Variants in RORA observed in about 807,000 individuals in gnomAD.
The protein encoded by RORA is nuclear receptor ROR-alpha.
Under a neutral mutation model 69.5 loss-of-function variants are expected in RORA, and 7 were observed. The ratio of observed to expected loss-of-function variants is 0.10; its 90% CI spans 0.06 to 0.19. The LOEUF (loss-of-function observed/expected upper bound fraction) is 0.19, where lower values mean the gene tolerates loss of function less well. Ranked by LOEUF, RORA falls within the 10% of genes least tolerant of loss-of-function variation. RORA has a pLI of 1.00. For synonymous variants in RORA, 261 were observed against 240.8 expected, an observed-to-expected ratio of 1.08 and a Z score of -0.78; for missense variants, 457 against 663.0, an observed-to-expected ratio of 0.69 and a Z score of 3.41.
chr15:61,119,958 C>A (rs72739546), intron 1 of RORA, among the ~76,000 whole-genome samples: 2 of 151,972 alleles, frequency 1.3e-5, no homozygotes, highest in Admixed American at 6.6e-5. Context: ...ACAGGTGAGG[C>A]GGGGAGGAGT....
intron 1 of RORA, among the ~76,000 whole-genome samples, chr15:61,212,566 A>G (rs1481637537): frequency 6.6e-6 from 1 of 151,988 alleles, no homozygotes; most frequent in African/African-American, 2.4e-5. Flanking sequence ...TAATTTTTGT[A>G]TTTTTAGTAG....
At chr15:61,123,506 T>A (rs1184458708) in intron 1 of RORA, among the ~76,000 whole-genome samples, 2 of 151,986 alleles carry the variant, frequency 1.3e-5, no homozygotes, top group African/African-American at 4.8e-5. Context: ...AAACAAACAA[T>A]CCTCAAAAAA....
chr15:61,106,084 TC>T (rs1439894781), intron 1 of RORA, among the ~76,000 whole-genome samples: 1 of 152,210 alleles, frequency 6.6e-6, no homozygotes, highest in African/African-American at 2.4e-5. Flanking sequence ...AGCAAAGCAA[TC>T]TATGGTCACA....
At position 60,690,710 on chromosome 15, in the gene RORA, C is replaced by G. The variant is rs565494147; in HGVS notation, c.167-12024G>C. On this transcript the variant is annotated intron_variant, in intron 1 of 10. Transcript: ENST00000335670. ...CCTTTCCCTGAAAAAGGACAGCAAA[C>G]TGGGACTCAGAGGGATTAGGCAACT... Among the ~76,000 whole-genome samples the G allele has an allele frequency of 3.9e-5, 6 of 152,292 alleles. No individual in the cohort carries two copies. The South Asian group carries it at 1.2e-3, about 32-fold the overall frequency.
At chr15:61,197,099 G>A (rs944827212) in intron 1 of RORA, among the ~76,000 whole-genome samples, 3 of 152,308 alleles carry the variant, frequency 2.0e-5, no homozygotes, top group Admixed American at 6.5e-5. Flanking sequence ...GAAGGCCAGC[G>A]TTACTTCCCG....
At chr15:61,140,613 A>T (rs1343764630) in intron 1 of RORA, among the ~76,000 whole-genome samples, 1 of 151,248 alleles carries the variant, frequency 6.6e-6, no homozygotes, top group Non-Finnish European at 1.5e-5. Context: ...CCACTGGTGA[A>T]CTAGAGATCT....
chr15:60,776,143 G>A (rs2072163646), intron 1 of RORA, among the ~76,000 whole-genome samples: 1 of 152,156 alleles, frequency 6.6e-6, no homozygotes, highest in Non-Finnish European at 1.5e-5. Flanking sequence ...CCACGATATT[G>A]TGATGACCAA....
intron 1 of RORA, among the ~76,000 whole-genome samples, chr15:60,973,679 C>A (rs1843986565): frequency 6.6e-6 from 1 of 152,210 alleles, no homozygotes; most frequent in Non-Finnish European, 1.5e-5. Flanking sequence ...ACCCTTGTAG[C>A]CAGGCCCAGG....
At chr15:61,207,697 C>T (rs2079954902) in intron 1 of RORA, among the ~76,000 whole-genome samples, 2 of 152,306 alleles carry the variant, frequency 1.3e-5, no homozygotes, top group Middle Eastern at 3.4e-3. Context: ...TGTTATTGTT[C>T]ATGATAATTC....
chr15:60,908,351 A>AAAAT (rs1891604958), intron 1 of RORA, among the ~76,000 whole-genome samples: 1 of 152,190 alleles, frequency 6.6e-6, no homozygotes, highest in Admixed American at 6.5e-5. Flanking sequence ...AAAAATACTA[A>AAAAT]TCAAAATGGA....
At chr15:61,050,520 G>T (rs1897243559) in intron 1 of RORA, among the ~76,000 whole-genome samples, 1 of 152,156 alleles carries the variant, frequency 6.6e-6, no homozygotes, top group South Asian at 2.1e-4. Flanking sequence ...CTGTCTTCAG[G>T]GAGCTCCCAA....
At chr15:60,987,609 T>C (rs893746792) in intron 1 of RORA, among the ~76,000 whole-genome samples, 16 of 151,538 alleles carry the variant, frequency 1.1e-4, no homozygotes, top group African/African-American at 3.7e-4. Context: ...CTTCAGGATG[T>C]GTATGATTTG....
chr15:61,109,612 A>T (rs1295301643), intron 1 of RORA, among the ~76,000 whole-genome samples: 2 of 152,258 alleles, frequency 1.3e-5, no homozygotes, highest in Non-Finnish European at 2.9e-5. Context: ...GAGTTGATTT[A>T]CTTAGCACTG....
chr15:60,897,842 C>T (rs887348248), intron 1 of RORA, among the ~76,000 whole-genome samples: 1 of 152,152 alleles, frequency 6.6e-6, no homozygotes, highest in African/African-American at 2.4e-5. Context: ...TGTTAAGCAC[C>T]AAAGTGATGG....
chr15:60,968,160 C>T lies in RORA; in HGVS notation c.166+260893G>A, dbSNP rs143131092. ...TTGGACTAACCCTGGTTGGGGAGATCAGGACGTAAACAGATAATTCCCAAA... is the reference window on the plus strand; with the variant it reads ...TTGGACTAACCCTGGTTGGGGAGATTAGGACGTAAACAGATAATTCCCAAA... On this transcript the variant is annotated intron_variant, in intron 1 of 10. Transcript: ENST00000335670. Among the ~76,000 whole-genome samples the T allele has an allele frequency of 2.9e-4, 44 of 152,266 alleles. No individual in the cohort carries two copies. In the South Asian group the frequency reaches 5.8e-3, roughly 20 times the overall value.
intron 1 of RORA, among the ~76,000 whole-genome samples, chr15:60,890,817 G>A (rs928483209): frequency 2.6e-5 from 4 of 152,334 alleles, no homozygotes; most frequent in Admixed American, 2.0e-4. Flanking sequence ...AACAATGCTT[G>A]CCGTGGTAAT....
chr15:60,798,356 C>A (rs2072528054), intron 1 of RORA, among the ~76,000 whole-genome samples: 1 of 151,806 alleles, frequency 6.6e-6, no homozygotes, highest in South Asian at 2.1e-4. Context: ...GCAAAGCATT[C>A]AAAAATGAGT....
intron 1 of RORA, among the ~76,000 whole-genome samples, chr15:61,214,623 G>A (rs1335119215): frequency 3.3e-5 from 5 of 152,166 alleles, no homozygotes; most frequent in Admixed American, 2.6e-4. Context: ...AGAGATGGGA[G>A]GCCATCAGTA....
At chr15:61,198,576 A>G (rs1238685284) in intron 1 of RORA, among the ~76,000 whole-genome samples, 1 of 152,112 alleles carries the variant, frequency 6.6e-6, no homozygotes, top group Non-Finnish European at 1.5e-5. Flanking sequence ...TGTCCTGGAA[A>G]GAAGTATTAC....
Sources: allele counts gnomAD v4.1 joint callset (sites outside exome capture counted in the v4.1 genomes callset), GRCh38; gene constraint gnomAD v4.1.1; transcripts MANE v1.5; gene names NCBI Gene and HGNC (gene_info 2026-07-23, HGNC 2026-07-21).